Variants in SORCS2 observed in about 807,000 individuals in gnomAD.
The protein encoded by SORCS2 is VPS10 domain-containing receptor SorCS2.
SORCS2 carries 100 observed loss-of-function variants against 141.6 expected under a neutral mutation model. That is an observed-to-expected ratio of 0.71 (90% CI 0.60 to 0.83). The LOEUF (loss-of-function observed/expected upper bound fraction) is 0.83, where lower values mean the gene tolerates loss of function less well. SORCS2 is among the 40% of genes least tolerant of loss of function. The pLI, the probability that SORCS2 is intolerant of heterozygous loss-of-function variation, is 0.00. For synonymous variants in SORCS2, 789 were observed against 676.9 expected (o/e 1.17, Z -2.57); for missense variants, 1,646 against 1,560.2 (o/e 1.05, Z -0.93).
chr4:7,663,239 G>T lies in SORCS2; in HGVS notation c.953-1114G>T, dbSNP rs761129384. On this transcript the variant is annotated intron_variant, in intron 6 of 26. Transcript: ENST00000507866. The surrounding 1 kb of genome is among the most constrained non-coding windows in gnomAD (Gnocchi z 4.8). ...GAATGAGTGAGTGAAGAGTGAATAA[G>T]TGAGTGAGTGAAGAGTGAATAAGTG... Among the ~76,000 whole-genome samples the T allele has an allele frequency of 6.6e-6, 1 of 151,426 alleles. No individual in the cohort carries two copies. The highest frequency in any genetic ancestry group is 1.5e-5 in the Non-Finnish European group (1 of 67,922).
At chr4:7,301,675 C>T (rs574623187) in intron 1 of SORCS2, among the ~76,000 whole-genome samples, 14 of 152,320 alleles carry the variant, frequency 9.2e-5, no homozygotes, top group East Asian at 7.7e-4. Flanking sequence ...GACTGAGTGT[C>T]GTGAATCTTT....
At chr4:7,659,254 T>A (rs1392659363) in intron 5 of SORCS2, among the ~76,000 whole-genome samples, 1 of 146,622 alleles carries the variant, frequency 6.8e-6, no homozygotes, top group African/African-American at 2.6e-5. Context: ...CTGGACCAGG[T>A]CCTCACTAAG....
intron 2 of SORCS2, among the ~76,000 whole-genome samples, chr4:7,501,213 C>A (rs867746357): frequency 1.3e-5 from 2 of 152,218 alleles, no homozygotes; most frequent in African/African-American, 4.8e-5. Flanking sequence ...GCCCTGCTCC[C>A]GTCACCCGCT....
At chr4:7,400,029 C>A (rs796117366) in intron 2 of SORCS2, among the ~76,000 whole-genome samples, 7 of 152,306 alleles carry the variant, frequency 4.6e-5, no homozygotes, top group African/African-American at 1.7e-4. Context: ...GCCCATGCTG[C>A]TGGTCTGGGG....
chr4:7,380,530 A>C lies in SORCS2; in HGVS notation c.481-15758A>C, dbSNP rs1382372179. Among the ~76,000 whole-genome samples the C allele has an allele frequency of 2.6e-5, 4 of 152,192 alleles. No homozygotes were observed. The South Asian group carries it at 6.2e-4, about 24-fold the overall frequency. On this transcript the variant is annotated intron_variant, in intron 1 of 26. Transcript: ENST00000507866. ...AAGTGAGGTAGTTCTGTTGCTGAGG[A>C]GGGGCTGGAGTAGAGCATCTGATGG...
At chr4:7,585,292 C>T (rs1716463109) in intron 3 of SORCS2, among the ~76,000 whole-genome samples, 1 of 152,176 alleles carries the variant, frequency 6.6e-6, no homozygotes, top group Non-Finnish European at 1.5e-5. Flanking sequence ...TCTAGTGCGG[C>T]CTGCATTCCT....
intron 1 of SORCS2, among the ~76,000 whole-genome samples, chr4:7,322,259 G>A (rs1234796599): frequency 6.6e-6 from 1 of 152,190 alleles, no homozygotes; most frequent in South Asian, 2.1e-4. Flanking sequence ...CTGAGAGTGG[G>A]AGCAGAGGGG....
At chr4:7,562,934 T>A (rs558586492) in intron 3 of SORCS2, among the ~76,000 whole-genome samples, 2 of 152,370 alleles carry the variant, frequency 1.3e-5, no homozygotes, top group East Asian at 3.9e-4. Flanking sequence ...TTGTCTTCAC[T>A]AATTATATCT....
At chr4:7,636,833 A>C (rs1720289005) in intron 3 of SORCS2, among the ~76,000 whole-genome samples, 1 of 152,090 alleles carries the variant, frequency 6.6e-6, no homozygotes, top group Admixed American at 6.5e-5. Flanking sequence ...TGGGGAGCTG[A>C]AAACAGCAGC....
intron 2 of SORCS2, among the ~76,000 whole-genome samples, chr4:7,440,719 C>G (rs1246821407): frequency 6.6e-6 from 1 of 152,214 alleles, no homozygotes; most frequent in Non-Finnish European, 1.5e-5. Context: ...CCTCTCCTCC[C>G]CTCTGCCCTT....
intron 2 of SORCS2, among the ~76,000 whole-genome samples, chr4:7,525,472 G>A (rs571623048): frequency 5.3e-5 from 8 of 152,036 alleles, no homozygotes; most frequent in South Asian, 4.2e-4. Flanking sequence ...TGCTTCACCC[G>A]GGGGCAGTCC....
At chr4:7,486,696 C>A (rs1037749324) in intron 2 of SORCS2, among the ~76,000 whole-genome samples, 1 of 152,144 alleles carries the variant, frequency 6.6e-6, no homozygotes, top group Admixed American at 6.5e-5. Context: ...CTGGAGCCTC[C>A]AAAGGAGGAT....
intron 1 of SORCS2, among the ~76,000 whole-genome samples, chr4:7,335,769 G>A (rs191273346): frequency 2.6e-5 from 4 of 152,368 alleles, no homozygotes; most frequent in East Asian, 3.9e-4. Context: ...TCGGGCTCCC[G>A]GCTGGGGGGT....
intron 2 of SORCS2, among the ~76,000 whole-genome samples, chr4:7,471,400 A>G (rs1729968647): frequency 6.6e-6 from 1 of 152,216 alleles, no homozygotes; most frequent in South Asian, 2.1e-4. Flanking sequence ...CTCCATTTAT[A>G]AATTCATAAG....
chr4:7,389,558 A>G (rs888978442), intron 1 of SORCS2, among the ~76,000 whole-genome samples: 9 of 152,290 alleles, frequency 5.9e-5, no homozygotes, highest in African/African-American at 2.2e-4. Flanking sequence ...TCACTCAGCA[A>G]TGATCATTCT....
At chr4:7,269,027 G>T (rs1268297828) in intron 1 of SORCS2, among the ~76,000 whole-genome samples, 1 of 152,240 alleles carries the variant, frequency 6.6e-6, no homozygotes, top group East Asian at 1.9e-4. Flanking sequence ...GGGGCCTGGT[G>T]GTTGGCAGAG....
intron 3 of SORCS2, among the ~76,000 whole-genome samples, chr4:7,535,472 C>T (rs1280974141): frequency 1.3e-5 from 2 of 152,198 alleles, no homozygotes; most frequent in Admixed American, 1.3e-4. Flanking sequence ...GCTCTGAGAC[C>T]TTGAGCAAGT....
intron 1 of SORCS2, among the ~76,000 whole-genome samples, chr4:7,280,371 T>A (rs910846392): frequency 3.3e-5 from 5 of 152,200 alleles, no homozygotes; most frequent in Non-Finnish European, 7.3e-5. Context: ...CAAAATTGAC[T>A]GTTGGAAAAT....
At chr4:7,649,405 C>T (rs1560455286) in intron 4 of SORCS2, among the ~76,000 whole-genome samples, 1 of 151,890 alleles carries the variant, frequency 6.6e-6, no homozygotes, top group Non-Finnish European at 1.5e-5. Context: ...GGAGGCCACA[C>T]CTCTCCTGGA....
Sources: gnomAD v4.1 joint callset for allele counts (sites outside exome capture counted in the v4.1 genomes callset) on GRCh38, gnomAD v4.1.1 for gene constraint, Gnocchi (gnomAD v3.1) non-coding constraint, MANE v1.5 for transcripts, NCBI Gene and HGNC (gene_info 2026-07-23, HGNC 2026-07-21) for gene names.